The following FANCA variants were observed in gnomAD, a reference collection of about 807,000 sequenced individuals.
FANCA encodes the protein FA complementation group A, also known as Fanconi anemia group A protein.
In FANCA, 236 loss-of-function variants were observed where a neutral mutation model predicts 194.3. The observed-to-expected ratio is 1.21, with a 90% CI of 1.09 to 1.35. FANCA has a LOEUF of 1.35. Ranked by LOEUF, FANCA falls within the 40% of genes most tolerant of loss-of-function variation. FANCA has a pLI of 0.00. For missense variants in FANCA, 2,628 were observed against 1,813.9 expected (o/e 1.45, Z -8.15); for synonymous variants, 1,014 against 715.8 (o/e 1.42, Z -6.65).
intron 17 of FANCA, 148 bp downstream of exon 17, chr16:89,782,711 C>G (rs1350445132): frequency 1.1e-5 from 8 of 704,442 alleles, no homozygotes; most frequent in Non-Finnish European, 2.0e-5. Flanking sequence ...CACAGAGGCC[C>G]GCAGAGCCTC....
intron 14 of FANCA, among the ~76,000 whole-genome samples, chr16:89,785,450 C>A (rs1186753259): frequency 6.6e-6 from 1 of 152,140 alleles, no homozygotes; most frequent in Non-Finnish European, 1.5e-5. Context: ...GTGGACAGAT[C>A]ACTGCAAGAG....
chr16:89,813,164 C>T (rs554056712), intron 3 of FANCA, among the ~76,000 whole-genome samples: 2 of 152,068 alleles, frequency 1.3e-5, no homozygotes, highest in African/African-American at 4.8e-5. Flanking sequence ...CCTGCAATCC[C>T]AACACCTTGG....
intron 28 of FANCA, among the ~76,000 whole-genome samples, chr16:89,764,651 G>C (rs988602135): frequency 6.6e-6 from 1 of 152,198 alleles, no homozygotes; most frequent in Admixed American, 6.5e-5. Flanking sequence ...AACGATTTTA[G>C]TCAAGATTCC....
At chr16:89,762,140 A>C in intron 28 of FANCA, 118 bp from the exon 29 acceptor site, 1 of 815,582 alleles carries the variant, frequency 1.2e-6, no homozygotes, top group Non-Finnish European at 2.2e-6. Context: ...CCTGTGTTAT[A>C]ATGAAATTGC....
chr16:89,764,664 T>C, intron 28 of FANCA: 1 of 622,090 alleles, frequency 1.6e-6, no homozygotes, highest in Non-Finnish European at 3.0e-6. Context: ...AAGATTCCAA[T>C]CAAACCATCT....
At chr16:89,812,719 A>C (rs1378616114) in intron 3 of FANCA, among the ~76,000 whole-genome samples, 1 of 151,030 alleles carries the variant, frequency 6.6e-6, no homozygotes, top group African/African-American at 2.4e-5. Context: ...GGCTCTAAAA[A>C]CACATTATCA....
chr16:89,772,718 C>T (rs1455023188), intron 22 of FANCA, among the ~76,000 whole-genome samples: 2 of 150,444 alleles, frequency 1.3e-5, no homozygotes, highest in South Asian at 2.1e-4. Context: ...ACTTGGGAGG[C>T]TGAGGCGGGA....
At chr16:89,813,448 C>G (rs1035706950) in intron 3 of FANCA, among the ~76,000 whole-genome samples, 1 of 151,068 alleles carries the variant, frequency 6.6e-6, no homozygotes. Context: ...ATTTTCTGTT[C>G]TGAGACAGAG....
chr16:89,813,557 T>G (rs751105764), intron 3 of FANCA, among the ~76,000 whole-genome samples: 1 of 152,060 alleles, frequency 6.6e-6, no homozygotes, highest in African/African-American at 2.4e-5. Context: ...CTCAGCCTCC[T>G]GAATAGCTGG....
intron 30 of FANCA, among the ~76,000 whole-genome samples, chr16:89,753,492 C>T (rs747237119): frequency 2.0e-5 from 3 of 152,186 alleles, no homozygotes; most frequent in Non-Finnish European, 2.9e-5. Context: ...ACCAATATAA[C>T]GCAGTTATCA....
chr16:89,789,533 T>G (rs1440214332), intron 14 of FANCA, among the ~76,000 whole-genome samples: 1 of 143,542 alleles, frequency 7.0e-6, no homozygotes, highest in African/African-American at 2.6e-5. Flanking sequence ...CTCAACCTCC[T>G]CGGCTTAAGT....
intron 31 of FANCA, among the ~76,000 whole-genome samples, chr16:89,750,366 C>G (rs1222909803): frequency 2.6e-5 from 4 of 152,058 alleles, no homozygotes; most frequent in African/African-American, 9.7e-5. Flanking sequence ...GCCTGTAGTC[C>G]CAGCGACTCA....
intron 15 of FANCA, among the ~76,000 whole-genome samples, chr16:89,783,812 G>C (rs994942591): frequency 1.1e-3 from 161 of 152,140 alleles, no homozygotes; most frequent in African/African-American, 3.7e-3. Flanking sequence ...TGCCCAGGCT[G>C]GAGTGCAATG....
intron 14 of FANCA, among the ~76,000 whole-genome samples, chr16:89,787,025 G>A (rs1346258455): frequency 6.6e-6 from 1 of 152,204 alleles, no homozygotes; most frequent in Non-Finnish European, 1.5e-5. Flanking sequence ...GTCGCCAAAG[G>A]CATTTCTGTA....
chr16:89,785,907 T>C (rs1315416343), intron 14 of FANCA, among the ~76,000 whole-genome samples: 4 of 139,720 alleles, frequency 2.9e-5, no homozygotes, highest in Non-Finnish European at 6.1e-5. Context: ...CAGGCTGGAG[T>C]GCAGTGGTGC....
At chr16:89,790,764 A>C (rs1465271263) in intron 14 of FANCA, among the ~76,000 whole-genome samples, 1 of 151,194 alleles carries the variant, frequency 6.6e-6, no homozygotes, top group African/African-American at 2.4e-5. Context: ...GGAAAATAAG[A>C]GACATTGTAT....
At chr16:89,758,122 G>A (rs1436354751) in intron 30 of FANCA, among the ~76,000 whole-genome samples, 1 of 152,188 alleles carries the variant, frequency 6.6e-6, no homozygotes, top group Non-Finnish European at 1.5e-5. Flanking sequence ...CTCCCGAAGT[G>A]CTGGGATTAC....
intron 30 of FANCA, 29 bp downstream of exon 30, chr16:89,758,548 A>G (rs778143642): frequency 6.2e-6 from 10 of 1,611,424 alleles, no homozygotes; most frequent in Admixed American, 1.7e-5. Context: ...GTCCCTCCAG[A>G]GAACCCTAAT....
chr16:89,744,224 C>G (rs879353767), intron 36 of FANCA, among the ~76,000 whole-genome samples: 1 of 152,196 alleles, frequency 6.6e-6, no homozygotes, highest in Non-Finnish European at 1.5e-5. Flanking sequence ...AGACGGCGAG[C>G]AGCCAAACCC....
Sources: allele counts gnomAD v4.1 joint callset (sites outside exome capture counted in the v4.1 genomes callset), GRCh38; gene constraint gnomAD v4.1.1; transcripts MANE v1.5; gene names NCBI Gene and HGNC (gene_info 2026-07-23, HGNC 2026-07-21).